Variants in PTPRE observed in about 807,000 individuals in gnomAD.
PTPRE encodes receptor-type tyrosine-protein phosphatase epsilon.
In PTPRE, 51 loss-of-function variants were observed where a neutral mutation model predicts 102.0. The observed-to-expected ratio is 0.50, with a 90% CI of 0.40 to 0.63. The LOEUF (loss-of-function observed/expected upper bound fraction) is 0.63, where lower values mean the gene tolerates loss of function less well. Among genes scored for constraint, PTPRE ranks in the 30% least tolerant of loss-of-function variants. The pLI, the probability that PTPRE is intolerant of heterozygous loss-of-function variation, is 0.00. For missense variants in PTPRE, 752 were observed against 915.1 expected (o/e 0.82, Z 2.30); for synonymous variants, 345 against 348.2 (o/e 0.99, Z 0.10).
intron 2 of PTPRE, among the ~76,000 whole-genome samples, chr10:128,034,635 T>C (rs1255220734): frequency 1.3e-5 from 2 of 152,148 alleles, no homozygotes; most frequent in African/African-American, 4.8e-5. Context: ...AGGTTGAAAC[T>C]GCAGTGAGCC....
In PTPRE at chr10:127,944,365, T is replaced by C. The variant is rs60574966; in HGVS notation, c.-31+37056T>C. Among the ~76,000 whole-genome samples the C allele has an allele frequency of 0.038, 5,687 of 151,504 alleles. 349 individuals carry two copies. The highest frequency in any genetic ancestry group is 0.13 in the African/African-American group (5,234 of 41,256). ...GGTGGGTGGATGGATGGATGGACGA[T>C]GGACAGATGGATGGATATGTGGATG... On this transcript the variant is annotated intron_variant, in intron 1 of 20. Transcript: ENST00000254667. The surrounding 1 kb of genome is among the most constrained non-coding windows in gnomAD (Gnocchi z 4.2).
chr10:127,959,657 G>T (rs539218887), intron 1 of PTPRE, among the ~76,000 whole-genome samples: 1 of 152,336 alleles, frequency 6.6e-6, no homozygotes, highest in Admixed American at 6.5e-5. Flanking sequence ...TTTTCAACGA[G>T]CTTTAAGCAC....
At position 127,948,597 on chromosome 10, in the gene PTPRE, A is replaced by G. The variant is rs192116186; in HGVS notation, c.-30-33677A>G. 1.1e-3 allele frequency among the ~76,000 whole-genome samples: 166 copies of G among 152,346 alleles called. 1 individual carries two copies. The highest frequency in any genetic ancestry group is 3.7e-3 in the African/African-American group (152 of 41,578). On this transcript the variant is annotated intron_variant, in intron 1 of 20. Coordinates refer to ENST00000254667, the MANE Select transcript of PTPRE (RefSeq NM_006504.6). Reference sequence around the variant, plus strand: ...CTTTTCTAGAATGTCATGTGGTTGGAATCATATAATATGTAGCTTTTTCAG... The same window carrying G: ...CTTTTCTAGAATGTCATGTGGTTGGGATCATATAATATGTAGCTTTTTCAG...
At position 128,070,898 on chromosome 10, in the gene PTPRE, C is replaced by G; in HGVS notation, c.1384C>G (p.Pro462Ala). 1 of 1,613,248 alleles carries G rather than the reference C, an allele frequency of 6.2e-7. No homozygotes were observed. Among genetic ancestry groups the G allele is most frequent in the East Asian group, 2.2e-5 (1 of 44,882 alleles). ...GAAGGCCAGGGTCATCCAGATCATC[C>G]CGTGTAAGGCACCCGTGGCGTGGCT... ...MKKARVIQII[P>A]YDFNRVILSM... The change falls in exon 15 of 21, where the codon CCG (proline) becomes GCG (alanine). Residue 462 changes from proline to alanine, a missense_variant. By Grantham distance (27) the Pro-to-Ala change is conservative. Coordinates refer to ENST00000254667, the MANE Select transcript of PTPRE (RefSeq NM_006504.6). This position sits in a 1 kb window ranked among gnomAD's most constrained non-coding sequence, Gnocchi z 4.8.
intron 2 of PTPRE, among the ~76,000 whole-genome samples, chr10:127,992,006 C>G (rs556900952): frequency 3.9e-5 from 6 of 152,116 alleles, no homozygotes; most frequent in Non-Finnish European, 8.8e-5. Flanking sequence ...GACCAGTGAG[C>G]CCACCGGGTG....
intron 2 of PTPRE, among the ~76,000 whole-genome samples, chr10:128,013,536 T>C (rs1455829545): frequency 1.3e-5 from 2 of 152,168 alleles, no homozygotes; most frequent in Admixed American, 6.6e-5. Context: ...GGATGTGCTA[T>C]GATCTGAATG....
At chr10:128,034,461 G>T (rs540351544) in intron 2 of PTPRE, among the ~76,000 whole-genome samples, 1 of 152,110 alleles carries the variant, frequency 6.6e-6, no homozygotes, top group Admixed American at 6.5e-5. Context: ...AGGTCAGGGC[G>T]GGAGGATTGC....
chr10:128,067,169 C>T (rs1323491067), intron 11 of PTPRE, among the ~76,000 whole-genome samples: 1 of 151,724 alleles, frequency 6.6e-6, no homozygotes, highest in Non-Finnish European at 1.5e-5. Flanking sequence ...CTCACATGCA[C>T]ACATGCACAC....
rs57779918 is a variant in PTPRE at position 127,944,500 on chromosome 10, A to ATGGATGGATGGATAGG, written c.-31+37204_-31+37205insAGGTGGATGGATGGAT. On this transcript the variant is annotated intron_variant, in intron 1 of 20. Transcript: ENST00000254667. The surrounding 1 kb of genome is among the most constrained non-coding windows in gnomAD (Gnocchi z 4.2). Reference sequence around the variant, plus strand: ...GATGGATGGATGGATGGATGGATGGATGGATGGATGGATGGGTGGATGGAT... The same window carrying ATGGATGGATGGATAGG: ...GATGGATGGATGGATGGATGGATGGATGGATGGATGGATAGGTGGATGGATGGATGGGTGGATGGAT... 1.4e-5 allele frequency among the ~76,000 whole-genome samples: 2 copies of ATGGATGGATGGATAGG among 146,022 alleles called. No homozygotes were observed. The highest frequency in any genetic ancestry group is 2.6e-5 in the African/African-American group (1 of 38,856).
chr10:128,057,079 T>C (rs1849041287), intron 7 of PTPRE, among the ~76,000 whole-genome samples: 1 of 151,912 alleles, frequency 6.6e-6, no homozygotes, highest in East Asian at 1.9e-4. Context: ...TAGCCGGGCA[T>C]GGTGGTGGAC....
intron 1 of PTPRE, among the ~76,000 whole-genome samples, chr10:127,968,784 C>A (rs978042037): frequency 6.6e-6 from 1 of 152,214 alleles, no homozygotes; most frequent in South Asian, 2.1e-4. Context: ...TATGTTGTGG[C>A]AGCACTTTGC....
chr10:127,981,924 C>A (rs1300159036), intron 1 of PTPRE, among the ~76,000 whole-genome samples: 2 of 152,120 alleles, frequency 1.3e-5, no homozygotes, highest in African/African-American at 4.8e-5. Flanking sequence ...TTGTAAAAGG[C>A]TCTTCTGGGG....
At chr10:128,058,863 C>T (rs1849247491) in intron 7 of PTPRE, among the ~76,000 whole-genome samples, 1 of 152,180 alleles carries the variant, frequency 6.6e-6, no homozygotes, top group Non-Finnish European at 1.5e-5. Flanking sequence ...TTACCAGAGT[C>T]ATAAGATGGT....
At chr10:128,005,243 A>G (rs1024341617) in intron 2 of PTPRE, among the ~76,000 whole-genome samples, 2 of 152,240 alleles carry the variant, frequency 1.3e-5, no homozygotes, top group African/African-American at 4.8e-5. Flanking sequence ...AGATGATTCT[A>G]GACAGAGACT....
intron 1 of PTPRE, among the ~76,000 whole-genome samples, chr10:127,974,899 T>G (rs1851030219): frequency 2.0e-5 from 3 of 148,254 alleles, no homozygotes; most frequent in Admixed American, 1.4e-4. Context: ...CCCCACCTCA[T>G]AGGGCAGCTG....
intron 3 of PTPRE, among the ~76,000 whole-genome samples, chr10:128,046,318 G>A (rs947158760): frequency 2.6e-5 from 4 of 152,218 alleles, no homozygotes; most frequent in African/African-American, 9.6e-5. Context: ...GCACCCTCGG[G>A]AGGCCGTGCC....
chr10:128,047,123 T>G (rs1341904101), intron 3 of PTPRE, among the ~76,000 whole-genome samples: 2 of 152,206 alleles, frequency 1.3e-5, no homozygotes, highest in Admixed American at 1.3e-4. Context: ...TGTGGGGGTC[T>G]GGGGAACTCA....
At chr10:128,052,882 G>T (rs745938860) in intron 6 of PTPRE, among the ~76,000 whole-genome samples, 1 of 152,160 alleles carries the variant, frequency 6.6e-6, no homozygotes, top group African/African-American at 2.4e-5. Flanking sequence ...CTAGCTTCTT[G>T]TACACTCTCC....
intron 2 of PTPRE, among the ~76,000 whole-genome samples, chr10:127,993,602 A>AG (rs1852917494): frequency 1.3e-5 from 2 of 152,292 alleles, no homozygotes; most frequent in African/African-American, 4.8e-5. Context: ...GCGTGGAAGA[A>AG]GGGGGAGTAG....
Sources: gnomAD v4.1 joint callset for allele counts (sites outside exome capture counted in the v4.1 genomes callset) on GRCh38, gnomAD v4.1.1 for gene constraint, Gnocchi (gnomAD v3.1) non-coding constraint, MANE v1.5 for transcripts, NCBI Gene and HGNC (gene_info 2026-07-23, HGNC 2026-07-21) for gene names.